Variants in OLA1 observed in about 807,000 individuals in gnomAD.
OLA1 encodes obg-like ATPase 1.
In OLA1, 14 loss-of-function variants were observed where a neutral mutation model predicts 48.4. The observed-to-expected ratio is 0.29, with a 90% CI of 0.19 to 0.45. OLA1 has a LOEUF of 0.45. Among genes scored for constraint, OLA1 ranks in the 20% least tolerant of loss-of-function variants. The probability of loss-of-function intolerance (pLI) is 1.00; values close to 1 mark genes in which losing one functional copy is unlikely to be tolerated. For missense variants in OLA1, 325 were observed against 467.1 expected (o/e 0.70, Z 2.80); for synonymous variants, 127 against 150.4 (o/e 0.84, Z 1.14).
intron 7 of OLA1, among the ~76,000 whole-genome samples, chr2:174,096,388 T>A (rs1257470602): frequency 6.6e-6 from 1 of 152,186 alleles, no homozygotes; most frequent in African/African-American, 2.4e-5. Context: ...AACCACTGAA[T>A]TGTGTGCTTT....
chr2:174,132,858 T>C (rs1351441687), intron 5 of OLA1, among the ~76,000 whole-genome samples: 1 of 152,226 alleles, frequency 6.6e-6, no homozygotes, highest in African/African-American at 2.4e-5. Flanking sequence ...GTCAAATTCC[T>C]TGAGTTGTTT....
intron 2 of OLA1, among the ~76,000 whole-genome samples, chr2:174,235,928 T>C (rs368564363): frequency 9.2e-5 from 14 of 152,250 alleles, no homozygotes; most frequent in African/African-American, 3.4e-4. Context: ...GATCCTGTAA[T>C]ACAAGGGAAT....
At chr2:174,244,627 AAATT>A (rs1230211249) in intron 2 of OLA1, among the ~76,000 whole-genome samples, 1 of 151,768 alleles carries the variant, frequency 6.6e-6, no homozygotes, top group African/African-American at 2.4e-5. Flanking sequence ...AATTAAAAAA[AAATT>A]TTTTTTTTTT....
intron 4 of OLA1, among the ~76,000 whole-genome samples, chr2:174,153,676 T>G (rs1197686844): frequency 1.3e-5 from 2 of 152,336 alleles, no homozygotes; most frequent in East Asian, 3.9e-4. Flanking sequence ...ACACCTGTAC[T>G]TAATTATATT....
chr2:174,227,789 G>A (rs1312106679), intron 3 of OLA1, among the ~76,000 whole-genome samples: 1 of 152,108 alleles, frequency 6.6e-6, no homozygotes, highest in East Asian at 1.9e-4. Context: ...ACAAATGAAG[G>A]AGGAATGATA....
chr2:174,187,904 T>C (rs6741764), intron 4 of OLA1, among the ~76,000 whole-genome samples: 80,989 of 151,924 alleles, frequency 0.53, 22,161 homozygotes, highest in East Asian at 0.95. Flanking sequence ...TGATGATGAA[T>C]AAGGTGGTGA....
At chr2:174,167,206 A>G (rs1687186199) in intron 4 of OLA1, among the ~76,000 whole-genome samples, 1 of 152,226 alleles carries the variant, frequency 6.6e-6, no homozygotes, top group African/African-American at 2.4e-5. Flanking sequence ...TGAATCTTTT[A>G]CATCTTCTTC....
chr2:174,153,631 G>A (rs1223831704), intron 4 of OLA1, among the ~76,000 whole-genome samples: 1 of 152,064 alleles, frequency 6.6e-6, no homozygotes, highest in African/African-American at 2.4e-5. Context: ...AATCCTTAAA[G>A]TCACTTAAAA....
At chr2:174,077,787 A>G (rs1441658896) in intron 10 of OLA1, among the ~76,000 whole-genome samples, 2 of 152,016 alleles carry the variant, frequency 1.3e-5, no homozygotes, top group African/African-American at 4.8e-5. Flanking sequence ...GAATTCTAGT[A>G]ATAGAAAACA....
intron 7 of OLA1, among the ~76,000 whole-genome samples, chr2:174,115,132 C>T (rs2105362213): frequency 6.6e-6 from 1 of 152,158 alleles, no homozygotes; most frequent in African/African-American, 2.4e-5. Context: ...AGTAAACATT[C>T]AATTCAAGGC....
rs755360581 is a variant in OLA1, at chr2:174,229,270, A to G, written c.245+38T>C. 7 of 1,600,138 alleles carry G rather than the reference A, an allele frequency of 4.4e-6. No homozygotes were observed. The East Asian group carries it at 1.3e-4, about 31-fold the overall frequency. On this transcript the variant is annotated intron_variant, in intron 3 of 10. Coordinates refer to ENST00000284719, the MANE Select transcript of OLA1 (RefSeq NM_013341.5). The stretch of plus-strand genomic sequence containing the variant: ...GACTTTAAACATCTGCCCAATCTAC[A>G]CAAAATCACCAAATAAATAGCATAA...
intron 7 of OLA1, among the ~76,000 whole-genome samples, chr2:174,118,318 C>T (rs1685831662): frequency 6.6e-6 from 1 of 152,134 alleles, no homozygotes; most frequent in Admixed American, 6.5e-5. Context: ...GTTTTGGTAA[C>T]AAAATATGAC....
chr2:174,244,446 A>G (rs1046787106), intron 2 of OLA1, among the ~76,000 whole-genome samples: 2 of 152,042 alleles, frequency 1.3e-5, no homozygotes, highest in Non-Finnish European at 2.9e-5. Flanking sequence ...ATTATGCTCT[A>G]TGACTAAAAA....
chr2:174,144,945 A>ATATATAT (rs1307616947), intron 4 of OLA1, among the ~76,000 whole-genome samples: 33 of 68,226 alleles, frequency 4.8e-4, no homozygotes, highest in East Asian at 1.5e-3. Context: ...AAAAAAAAAA[A>ATATATAT]AAAAAAATAT....
chr2:174,211,586 GAAT>G (rs1350980331), intron 4 of OLA1, among the ~76,000 whole-genome samples: 17 of 152,018 alleles, frequency 1.1e-4, no homozygotes, highest in African/African-American at 4.8e-5. Flanking sequence ...TTAAAAATCA[GAAT>G]AATACATATT....
intron 2 of OLA1, among the ~76,000 whole-genome samples, chr2:174,236,317 G>A (rs1688850627): frequency 6.6e-6 from 1 of 151,978 alleles, no homozygotes; most frequent in South Asian, 2.1e-4. Flanking sequence ...TATAAAGACA[G>A]TGAGGAAGAA....
chr2:174,173,446 CT>C (rs889740502), intron 4 of OLA1, among the ~76,000 whole-genome samples: 2 of 152,024 alleles, frequency 1.3e-5, no homozygotes, highest in African/African-American at 2.4e-5. Flanking sequence ...ATTTTTAAGC[CT>C]TTTTTTCTCA....
chr2:174,239,365 A>G (rs981633303), intron 2 of OLA1, among the ~76,000 whole-genome samples: 4 of 152,220 alleles, frequency 2.6e-5, no homozygotes, highest in Admixed American at 6.5e-5. Context: ...AAATGGACAA[A>G]TCAACATCAT....
At chr2:174,093,280 C>A (rs1384598062) in intron 7 of OLA1, among the ~76,000 whole-genome samples, 1 of 151,958 alleles carries the variant, frequency 6.6e-6, no homozygotes, top group Non-Finnish European at 1.5e-5. Flanking sequence ...GACCCCATCT[C>A]TATGAATAAA....
Sources: allele counts gnomAD v4.1 joint callset (sites outside exome capture counted in the v4.1 genomes callset), GRCh38; gene constraint gnomAD v4.1.1; transcripts MANE v1.5; gene names NCBI Gene and HGNC (gene_info 2026-07-23, HGNC 2026-07-21).